The following SEPTIN9 variants were observed in gnomAD, a reference collection of about 807,000 sequenced individuals.
SEPTIN9 encodes the protein septin 9.
In SEPTIN9, 13 loss-of-function variants were observed where a neutral mutation model predicts 56.6. That is an observed-to-expected ratio of 0.23 (90% CI 0.15 to 0.37). The LOEUF (loss-of-function observed/expected upper bound fraction) is 0.37. Among genes scored for constraint, SEPTIN9 ranks in the 10% least tolerant of loss-of-function variants. The pLI is 1.00. For synonymous variants in SEPTIN9, 332 were observed against 334.1 expected (o/e 0.99, Z 0.07); for missense variants, 650 against 823.1 (o/e 0.79, Z 2.57).
rs878964260 is a variant in SEPTIN9, at chr17:77,499,561, CGGG to C, written c.*906_*908del. 24 of 453,696 alleles carry C rather than the reference CGGG, an allele frequency of 5.3e-5. No individual in the cohort carries two copies. Among genetic ancestry groups the C allele is most frequent in the South Asian group, 3.3e-4 (17 of 51,518 alleles). 28.1% of individuals were successfully genotyped at this position (453,696 alleles called of 1,614,324 possible). A position where few individuals can be genotyped will look rare whatever the true frequency, so the allele number is the denominator to read the frequency against. ...TGGAAGGTGCCAGAAGGAAGGTTGG[CGGG>C]GGCACGTGTGGGCCGTGGCTTGGGC... On this transcript the variant is annotated 3_prime_UTR_variant, in exon 12 of 12. Coordinates refer to ENST00000427177, the MANE Select transcript of SEPTIN9 (RefSeq NM_001113491.2).
chr17:77,467,228 T>C (rs1297016858), intron 3 of SEPTIN9, among the ~76,000 whole-genome samples: 1 of 152,138 alleles, frequency 6.6e-6, no homozygotes, highest in Non-Finnish European at 1.5e-5. Context: ...TTCCACGCGG[T>C]GCTTGGGGAC....
At chr17:77,393,753 T>C (rs111422623) in intron 2 of SEPTIN9, among the ~76,000 whole-genome samples, 22 of 152,100 alleles carry the variant, frequency 1.4e-4, no homozygotes, top group African/African-American at 4.6e-4. Flanking sequence ...CGCCTGACTA[T>C]TTTTGTATTT....
intron 2 of SEPTIN9, among the ~76,000 whole-genome samples, chr17:77,366,722 G>T (rs949612258): frequency 6.6e-6 from 1 of 152,200 alleles, no homozygotes; most frequent in African/African-American, 2.4e-5. Flanking sequence ...CAGTGCTGCA[G>T]TCCCTGGTGG....
chr17:77,373,344 C>G, intron 2 of SEPTIN9: 1 of 1,181,272 alleles, frequency 8.5e-7, no homozygotes, highest in Non-Finnish European at 1.0e-6. Context: ...CCCATTCATT[C>G]AGCTGAGCCA....
Position 77,345,929 on chromosome 17 carries a change from TTGTTG to T in SEPTIN9, c.76+38734_76+38738del, listed in dbSNP as rs1395127631. The stretch of plus-strand genomic sequence containing the variant: ...TATTTTTCCAGATTCTTTGTTTTTT[TTGTTG>T]TTTTGTTTTGTTTTGTTTTGTTTTG... On this transcript the variant is annotated intron_variant, in intron 2 of 11. Coordinates refer to ENST00000427177, the MANE Select transcript of SEPTIN9 (RefSeq NM_001113491.2). Among the ~76,000 whole-genome samples, 26 of 106,936 alleles carry T rather than the reference TTGTTG, an allele frequency of 2.4e-4. No individual in the cohort carries two copies. In the Admixed American group the frequency reaches 2.6e-3, roughly 11 times the overall value. 70.2% of individuals were successfully genotyped at this position (106,936 alleles called of 152,430 possible). A position where few individuals can be genotyped will look rare whatever the true frequency, so the allele number is the denominator to read the frequency against.
chr17:77,315,588 G>A (rs1434059595), intron 2 of SEPTIN9, among the ~76,000 whole-genome samples: 1 of 152,118 alleles, frequency 6.6e-6, no homozygotes, highest in Non-Finnish European at 1.5e-5. Flanking sequence ...ACCCGGCCAC[G>A]ACCACCTAAC....
At chr17:77,373,273 G>GGGAGGC in intron 2 of SEPTIN9, 1 of 1,151,740 alleles carries the variant, frequency 8.7e-7, no homozygotes, top group Non-Finnish European at 1.1e-6. Context: ...TGATCCGCCC[G>GGGAGGC]GGAGGCGGGG....
At chr17:77,306,816 T>C (rs2032284203) in intron 1 of SEPTIN9, among the ~76,000 whole-genome samples, 1 of 152,234 alleles carries the variant, frequency 6.6e-6, no homozygotes, top group African/African-American at 2.4e-5. Context: ...TGTGCAACTC[T>C]CATTCACTGT....
intron 1 of SEPTIN9, among the ~76,000 whole-genome samples, chr17:77,287,666 A>G (rs2031340613): frequency 6.6e-6 from 1 of 152,004 alleles, no homozygotes; most frequent in Non-Finnish European, 1.5e-5. Context: ...GCATGGGCCC[A>G]TTTGCAGCCC....
intron 2 of SEPTIN9, chr17:77,376,135 G>A: frequency 1.0e-6 from 1 of 986,926 alleles, no homozygotes; most frequent in South Asian, 4.6e-5. Flanking sequence ...GATTGCAAGA[G>A]GAAGGAGAGC....
At position 77,500,381 on chromosome 17, in the gene SEPTIN9, C is replaced by CGGGGG; in HGVS notation, c.*1727_*1728insGGGGG. ...GCCCAGCCTCAATGTCACTTGGTGG[C>CGGGGG]GGGGTGGGGTGGGGGTGGGCAGCAG... On this transcript the variant is annotated 3_prime_UTR_variant, in exon 12 of 12. Coordinates refer to ENST00000427177, the MANE Select transcript of SEPTIN9 (RefSeq NM_001113491.2). The CGGGGG allele has an allele frequency of 1.9e-5, 3 of 160,234 alleles. No homozygotes were observed. Among genetic ancestry groups the CGGGGG allele is most frequent in the Non-Finnish European group, 2.6e-5 (2 of 76,176 alleles). The allele number at this position is 160,234 out of a possible 1,614,324, so 9.9% of individuals were successfully genotyped here.
rs1568084549 is a variant in SEPTIN9 at position 77,457,460 on chromosome 17, G to A, written c.722-24684G>A. Among the ~76,000 whole-genome samples the A allele has an allele frequency of 2.6e-5, 4 of 152,202 alleles. No individual in the cohort carries two copies. The South Asian group carries it at 8.3e-4, about 32-fold the overall frequency. ...GGGAACCCAGTGTGGGAGGCCCAGA[G>A]GTGCCGGAGCAGACGTTAAGCGAGT... On this transcript the variant is annotated intron_variant, in intron 3 of 11. Coordinates refer to ENST00000427177, the MANE Select transcript of SEPTIN9 (RefSeq NM_001113491.2).
intron 1 of SEPTIN9, among the ~76,000 whole-genome samples, chr17:77,283,507 G>A (rs1033460554): frequency 5.8e-5 from 3 of 51,898 alleles, no homozygotes; most frequent in Admixed American, 2.1e-4. Context: ...GCAGGAGTCA[G>A]GCTGACCCCC....
intron 2 of SEPTIN9, among the ~76,000 whole-genome samples, chr17:77,334,616 C>T (rs544830913): frequency 1.2e-4 from 18 of 151,808 alleles, no homozygotes; most frequent in East Asian, 5.8e-4. Context: ...TTTCCAGTTT[C>T]GATTTATGAT....
intron 3 of SEPTIN9, among the ~76,000 whole-genome samples, chr17:77,438,083 A>AG (rs1393290636): frequency 6.6e-6 from 1 of 152,190 alleles, no homozygotes; most frequent in Non-Finnish European, 1.5e-5. Flanking sequence ...ATGGCCCTGC[A>AG]GGGGGGTGCT....
intron 1 of SEPTIN9, among the ~76,000 whole-genome samples, chr17:77,292,696 A>G (rs997745288): frequency 1.3e-5 from 2 of 151,780 alleles, no homozygotes; most frequent in Non-Finnish European, 2.9e-5. Context: ...GTTTCCCTAC[A>G]TTGGCCGGGC....
intron 2 of SEPTIN9, among the ~76,000 whole-genome samples, chr17:77,362,973 G>T (rs2143859624): frequency 6.6e-6 from 1 of 152,358 alleles, no homozygotes; most frequent in Admixed American, 6.5e-5. Context: ...CAGAGGTCTG[G>T]CACCTGGCTT....
rs1357176897 is a variant in SEPTIN9, at chr17:77,317,216, C to T, written c.76+10019C>T. Among the ~76,000 whole-genome samples the T allele has an allele frequency of 6.6e-6, 1 of 152,208 alleles. No individual in the cohort carries two copies. The highest frequency in any genetic ancestry group is 1.5e-5 in the Non-Finnish European group (1 of 68,034). On this transcript the variant is annotated intron_variant, in intron 2 of 11. Transcript: ENST00000427177. The surrounding 1 kb of genome is among the most constrained non-coding windows in gnomAD (Gnocchi z 4.2). ...GCCCAGCCATCCTCTCACAGCTCTGCAGGCCACACATCCGAGATCAGGGTC... is the reference window on the plus strand; with the variant it reads ...GCCCAGCCATCCTCTCACAGCTCTGTAGGCCACACATCCGAGATCAGGGTC...
chr17:77,459,412 T>C (rs2038359438), intron 3 of SEPTIN9, among the ~76,000 whole-genome samples: 1 of 152,326 alleles, frequency 6.6e-6, no homozygotes, highest in East Asian at 1.9e-4. Flanking sequence ...GAGATGCGGC[T>C]GTGGTTAAGA....
Sources: allele counts gnomAD v4.1 joint callset (sites outside exome capture counted in the v4.1 genomes callset), GRCh38; gene constraint gnomAD v4.1.1; non-coding constraint Gnocchi (gnomAD v3.1); transcripts MANE v1.5; gene names NCBI Gene and HGNC (gene_info 2026-07-23, HGNC 2026-07-21).